The following KLHL29 variants were observed in gnomAD, a reference collection of about 807,000 sequenced individuals.
The protein encoded by KLHL29 is kelch-like protein 29.
In KLHL29, 21 loss-of-function variants were observed where a neutral mutation model predicts 80.4. The ratio of observed to expected loss-of-function variants is 0.26; its 90% CI spans 0.19 to 0.38. The LOEUF is 0.38. Among genes scored for constraint, KLHL29 ranks in the 10% least tolerant of loss-of-function variants. The pLI is 1.00. For missense variants in KLHL29, 867 were observed against 1,223.9 expected (o/e 0.71, Z 4.35); for synonymous variants, 511 against 526.8 (o/e 0.97, Z 0.41).
At chr2:23,568,196 CA>C (rs369057357) in intron 3 of KLHL29, among the ~76,000 whole-genome samples, 2 of 150,066 alleles carry the variant, frequency 1.3e-5, no homozygotes, top group African/African-American at 4.9e-5. Context: ...TTAGTCTGGG[CA>C]AAAAAAAAGT....
intron 2 of KLHL29, among the ~76,000 whole-genome samples, chr2:23,496,331 A>G (rs1027548229): frequency 3.9e-5 from 6 of 152,226 alleles, no homozygotes; most frequent in African/African-American, 1.4e-4. Flanking sequence ...GACAACAATG[A>G]AATGAACACA....
chr2:23,671,706 G>A (rs1670768980), intron 5 of KLHL29, among the ~76,000 whole-genome samples: 1 of 152,172 alleles, frequency 6.6e-6, no homozygotes, highest in Admixed American at 6.5e-5. Context: ...AGGACCCCCA[G>A]TGGAGGCCAG....
intron 1 of KLHL29, among the ~76,000 whole-genome samples, chr2:23,455,914 G>T (rs1664037562): frequency 6.6e-6 from 1 of 152,100 alleles, no homozygotes; most frequent in South Asian, 2.1e-4. Context: ...GGTGAAACCT[G>T]ATTGGTGTGT....
At position 23,457,984 on chromosome 2, in the gene KLHL29, G is replaced by T. The variant is rs967047783; in HGVS notation, c.-153-17576G>T. 5.9e-5 allele frequency among the ~76,000 whole-genome samples: 9 copies of T among 152,254 alleles called. No individual in the cohort carries two copies. Among genetic ancestry groups the T allele is most frequent in the Admixed American group, 1.3e-4 (2 of 15,300 alleles). On this transcript the variant is annotated intron_variant, in intron 1 of 13. Transcript: ENST00000486442. The surrounding 1 kb of genome is among the most constrained non-coding windows in gnomAD (Gnocchi z 4.3). ...ACTGAGATCACGCCACTGCACTCCA[G>T]CCTGGGCGACAGAGCGAGACTCTGT...
chr2:23,688,570 C>A (rs865924457), intron 6 of KLHL29, among the ~76,000 whole-genome samples: 2 of 152,120 alleles, frequency 1.3e-5, no homozygotes, highest in African/African-American at 4.8e-5. Flanking sequence ...GCAGAGGCTG[C>A]GTCCCGGACT....
At chr2:23,587,539 A>G (rs1197808110) in intron 3 of KLHL29, among the ~76,000 whole-genome samples, 2 of 152,200 alleles carry the variant, frequency 1.3e-5, no homozygotes, top group Non-Finnish European at 2.9e-5. Flanking sequence ...GGAAAGATCA[A>G]AGGGACAGAT....
intron 1 of KLHL29, among the ~76,000 whole-genome samples, chr2:23,400,822 A>T (rs978898502): frequency 3.3e-5 from 5 of 152,218 alleles, no homozygotes; most frequent in African/African-American, 1.2e-4. Context: ...TGCTATAGCA[A>T]GATCTTGTCT....
chr2:23,599,868 C>T (rs1572428857), intron 3 of KLHL29, among the ~76,000 whole-genome samples: 1 of 152,232 alleles, frequency 6.6e-6, no homozygotes, highest in African/African-American at 2.4e-5. Flanking sequence ...TGCTGGTTTA[C>T]ATAGAGTAGC....
chr2:23,473,334 G>A (rs1482336014), intron 1 of KLHL29, among the ~76,000 whole-genome samples: 2 of 152,114 alleles, frequency 1.3e-5, no homozygotes, highest in African/African-American at 4.8e-5. Flanking sequence ...GAGAGGTGGG[G>A]AAGAACAGGG....
In KLHL29 at chr2:23,696,152, G is replaced by A. The variant is rs557666328; in HGVS notation, c.1924+19G>A. ...CTCTCAGGTGAGGCCCCCCGGGGTT[G>A]GGGCGGGACCAGGCATGGGGGTCCC... On this transcript the variant is annotated intron_variant, in intron 10 of 13. Transcript: ENST00000486442. The surrounding 1 kb of genome is among the most constrained non-coding windows in gnomAD (Gnocchi z 5.5). The A allele has an allele frequency of 1.2e-4, 181 of 1,547,514 alleles. 2 individuals carry two copies. The highest frequency in any genetic ancestry group is 3.5e-6 in the Non-Finnish European group (4 of 1,144,464).
chr2:23,567,802 C>T (rs1216797324), intron 3 of KLHL29, among the ~76,000 whole-genome samples: 5 of 152,222 alleles, frequency 3.3e-5, no homozygotes, highest in Non-Finnish European at 5.9e-5. Context: ...CATTCAAGCC[C>T]CTTTCACCGT....
At chr2:23,576,304 CAAAAA>C (rs3086869) in intron 3 of KLHL29, among the ~76,000 whole-genome samples, 2,390 of 131,190 alleles carry the variant, frequency 0.018, 33 homozygotes, top group Middle Eastern at 0.04. Context: ...GACTCTATCT[CAAAAA>C]AAAAAAAAAA....
At chr2:23,602,216 G>A (rs1437862975) in intron 3 of KLHL29, among the ~76,000 whole-genome samples, 3 of 152,276 alleles carry the variant, frequency 2.0e-5, no homozygotes, top group South Asian at 2.1e-4. Flanking sequence ...GCCCGTGCCC[G>A]TCGGCAAGAC....
In KLHL29 at chr2:23,642,771, C is replaced by T. The variant is rs141524888; in HGVS notation, c.861C>T (p.Thr287=). Residue 287 remains threonine (T), a synonymous_variant, in exon 5 of 14, where the codon ACC becomes ACT. Transcript: ENST00000486442. ...GAPATNGPPT[T]DSAHGLQMLR... is the part of the protein sequence containing the mutation. ...CTGCCACCAATGGGCCCCCCACAAC[C>T]GACTCGGCCCACGGGCTGCAGATGC... 5.5e-4 allele frequency: 858 copies of T among 1,550,428 alleles called. 5 individuals are homozygous for T. The African/African-American group carries it at 9.7e-3, about 17-fold the overall frequency.
rs1366775444 is a variant in KLHL29 at position 23,457,259 on chromosome 2, TA to T, written c.-153-18300del. On this transcript the variant is annotated intron_variant, in intron 1 of 13. Coordinates refer to ENST00000486442, the MANE Select transcript of KLHL29 (RefSeq NM_052920.2). This position sits in a 1 kb window ranked among gnomAD's most constrained non-coding sequence, Gnocchi z 4.3. Reference sequence around the variant, plus strand: ...TGATGTTTGACCAATGCTGAACTCATATGGGCTCTGAGCCCAGAGGGGCCAG... The same window carrying T: ...TGATGTTTGACCAATGCTGAACTCATTGGGCTCTGAGCCCAGAGGGGCCAG... Among the ~76,000 whole-genome samples, 1 of 152,200 alleles carries T rather than the reference TA, an allele frequency of 6.6e-6. No individual in the cohort carries two copies. Among genetic ancestry groups the T allele is most frequent in the African/African-American group, 2.4e-5 (1 of 41,458 alleles).
At position 23,696,804 on chromosome 2, in the gene KLHL29, C is replaced by T; in HGVS notation, c.2105+291C>T. 1 of 332,496 alleles carries T rather than the reference C, an allele frequency of 3.0e-6. No homozygotes were observed. The highest frequency in any genetic ancestry group is 4.1e-5 in the South Asian group (1 of 24,486). 20.6% of individuals were successfully genotyped at this position (332,496 alleles called of 1,614,324 possible). On this transcript the variant is annotated intron_variant, in intron 11 of 13. Coordinates refer to ENST00000486442, the MANE Select transcript of KLHL29 (RefSeq NM_052920.2). The surrounding 1 kb of genome is among the most constrained non-coding windows in gnomAD (Gnocchi z 5.5). ...TCAGACAAGCTGGAGGCCCAAGATC[C>T]AGTTGCAGAAGGCCTGGGATGAGCC...
At chr2:23,500,273 G>A (rs1260262617) in intron 2 of KLHL29, among the ~76,000 whole-genome samples, 6 of 152,164 alleles carry the variant, frequency 3.9e-5, no homozygotes, top group East Asian at 1.9e-4. Flanking sequence ...ACTTGACTGC[G>A]CCTTGAGATG....
In KLHL29 at chr2:23,434,374, C is replaced by T. The variant is rs557666712; in HGVS notation, c.-153-41186C>T. On this transcript the variant is annotated intron_variant, in intron 1 of 13. Coordinates refer to ENST00000486442, the MANE Select transcript of KLHL29 (RefSeq NM_052920.2). Reference sequence around the variant, plus strand: ...AGGCTCCGTGAGTCATGGCCCAAATCCAGGAGCCCTGGGCTCTGACAAAGT... The same window carrying T: ...AGGCTCCGTGAGTCATGGCCCAAATTCAGGAGCCCTGGGCTCTGACAAAGT... 1.9e-4 allele frequency among the ~76,000 whole-genome samples: 28 copies of T among 143,616 alleles called. No individual in the cohort carries two copies. The East Asian group carries it at 5.7e-3, about 29-fold the overall frequency. 94.2% of individuals were successfully genotyped at this position (143,616 alleles called of 152,430 possible).
intron 3 of KLHL29, among the ~76,000 whole-genome samples, chr2:23,612,830 G>T (rs543546461): frequency 6.6e-6 from 1 of 152,090 alleles, no homozygotes; most frequent in African/African-American, 2.4e-5. Context: ...CAAAGCAAAG[G>T]TTAGAGTTTC....
Sources: gnomAD v4.1 joint callset for allele counts (sites outside exome capture counted in the v4.1 genomes callset) on GRCh38, gnomAD v4.1.1 for gene constraint, Gnocchi (gnomAD v3.1) non-coding constraint, MANE v1.5 for transcripts, NCBI Gene and HGNC (gene_info 2026-07-23, HGNC 2026-07-21) for gene names.